The following CACNA1C variants were observed in gnomAD, a reference collection of about 807,000 sequenced individuals.
CACNA1C encodes the protein voltage-dependent L-type calcium channel subunit alpha-1C.
Under a neutral mutation model 229.0 loss-of-function variants are expected in CACNA1C, and 30 were observed. That is an observed-to-expected ratio of 0.13 (90% CI 0.10 to 0.18). CACNA1C has a LOEUF of 0.18. Ranked by LOEUF, CACNA1C falls within the 10% of genes least tolerant of loss-of-function variation. The pLI, the probability that CACNA1C is intolerant of heterozygous loss-of-function variation, is 1.00. For synonymous variants in CACNA1C, 1,114 were observed against 1,132.5 expected, an observed-to-expected ratio of 0.98 and a Z score of 0.33; for missense variants, 1,658 against 2,845.0, an observed-to-expected ratio of 0.58 and a Z score of 9.49.
chr12:2,681,998 A>G (rs779789990), intron 42 of CACNA1C: 1 of 1,611,776 alleles, frequency 6.2e-7, no homozygotes, highest in South Asian at 1.1e-5. Flanking sequence ...GGAGGGATTC[A>G]GGCTCAGCAG....
intron 38 of CACNA1C, among the ~76,000 whole-genome samples, chr12:2,670,403 A>AGAGAAAG (rs1351702651): frequency 1.3e-5 from 2 of 152,180 alleles, no homozygotes; most frequent in Admixed American, 6.5e-5. Flanking sequence ...TTGGTAGACT[A>AGAGAAAG]GAGAAAGGTG....
At position 2,053,405 on chromosome 12, in the gene CACNA1C, G is replaced by C; in HGVS notation, c.-158G>C. The C allele has an allele frequency of 7.1e-7, 1 of 1,406,352 alleles. No homozygotes were observed. Among genetic ancestry groups the C allele is most frequent in the Non-Finnish European group, 9.3e-7 (1 of 1,075,688 alleles). The allele number at this position is 1,406,352 out of a possible 1,614,324, so 87.1% of individuals were successfully genotyped here. On this transcript the variant is annotated 5_prime_UTR_variant, in exon 1 of 47. Transcript: ENST00000399655. The surrounding 1 kb of genome is among the most constrained non-coding windows in gnomAD (Gnocchi z 5.8). ...ATGCCATAATGGGAATCAGGTAATCGTCGGCGGGGAAGAAGAAACGCTGCA... is the reference window on the plus strand; with the variant it reads ...ATGCCATAATGGGAATCAGGTAATCCTCGGCGGGGAAGAAGAAACGCTGCA...
At chr12:2,312,199 C>T (rs549759336) in intron 3 of CACNA1C, among the ~76,000 whole-genome samples, 30 of 152,160 alleles carry the variant, frequency 2.0e-4, no homozygotes, top group Non-Finnish European at 4.1e-4. Flanking sequence ...GCAGGGAGCA[C>T]TGAGAAATGC....
At chr12:2,199,149 G>C (rs1379686162) in intron 3 of CACNA1C, among the ~76,000 whole-genome samples, 1 of 152,004 alleles carries the variant, frequency 6.6e-6, no homozygotes, top group Non-Finnish European at 1.5e-5. Context: ...TCCCCTCCCA[G>C]CCACGAATTA....
chr12:2,193,119 T>C (rs1566283845), intron 3 of CACNA1C, among the ~76,000 whole-genome samples: 1 of 152,214 alleles, frequency 6.6e-6, no homozygotes, highest in Non-Finnish European at 1.5e-5. Context: ...CTGCCAGGTG[T>C]GCTGGGGCTT....
rs747708938 is a variant in CACNA1C at position 2,679,489 on chromosome 12, G to A, written c.5137G>A (p.Asp1713Asn). 3.7e-6 allele frequency: 6 copies of A among 1,604,754 alleles called. No individual in the cohort carries two copies. Among genetic ancestry groups the A allele is most frequent in the East Asian group, 2.2e-5 (1 of 44,574 alleles). ...FGNHVSYYQS[D>N]GRSAFPQTFT... Reference sequence around the variant, plus strand: ...CAACCACGTCAGCTACTACCAAAGCGACGGCCGGAGCGCCTTCCCCCAGAC... The same window carrying A: ...CAACCACGTCAGCTACTACCAAAGCAACGGCCGGAGCGCCTTCCCCCAGAC... The change falls in exon 42 of 47, where the codon GAC becomes AAC. Residue 1713 changes from aspartate (D) to asparagine (N), a missense_variant. This residue lies in a region of CACNA1C where 590 missense variants were observed against 700.8 expected (regional missense o/e 0.84). Coordinates refer to ENST00000399655, the MANE Select transcript of CACNA1C (RefSeq NM_000719.7). This position sits in a 1 kb window ranked among gnomAD's most constrained non-coding sequence, Gnocchi z 5.5.
At chr12:2,135,006 C>G (rs1162344234) in intron 3 of CACNA1C, among the ~76,000 whole-genome samples, 2 of 135,746 alleles carry the variant, frequency 1.5e-5, no homozygotes, top group African/African-American at 2.9e-5. Flanking sequence ...TTGCTCATTT[C>G]TTTTTATTCT....
Position 2,608,965 on chromosome 12 carries a change from C to G in CACNA1C, c.3558+253C>G, listed in dbSNP as rs1209649782. ...TATGAAGCTTCTACTTAAGGATACT[C>G]TATGATAGGTTTTGTCAAATCTCAT... On this transcript the variant is annotated intron_variant, in intron 27 of 46. Transcript: ENST00000399655. This position sits in a 1 kb window ranked among gnomAD's most constrained non-coding sequence, Gnocchi z 4.2. Among the ~76,000 whole-genome samples, 3 of 152,234 alleles carry G rather than the reference C, an allele frequency of 2.0e-5. No individual in the cohort carries two copies. Among genetic ancestry groups the G allele is most frequent in the African/African-American group, 7.2e-5 (3 of 41,458 alleles).
At chr12:2,291,285 C>T (rs1281146806) in intron 3 of CACNA1C, among the ~76,000 whole-genome samples, 3 of 152,110 alleles carry the variant, frequency 2.0e-5, no homozygotes, top group South Asian at 4.1e-4. Flanking sequence ...AATCCCAAAC[C>T]ACCAGCCAAA....
At chr12:2,192,759 A>C (rs1269541490) in intron 3 of CACNA1C, among the ~76,000 whole-genome samples, 34 of 69,724 alleles carry the variant, frequency 4.9e-4, no homozygotes, top group African/African-American at 7.6e-4. Context: ...CACTCCCCCC[A>C]CTCTCCCCCT....
chr12:2,125,187 CAG>C (rs1209912827), intron 3 of CACNA1C, among the ~76,000 whole-genome samples: 1 of 152,076 alleles, frequency 6.6e-6, no homozygotes, highest in Non-Finnish European at 1.5e-5. Context: ...GCTAAGGGAA[CAG>C]AGAGTTTAAG....
intron 3 of CACNA1C, among the ~76,000 whole-genome samples, chr12:2,329,097 G>C (rs550046395): frequency 6.6e-6 from 1 of 152,284 alleles, no homozygotes; most frequent in Admixed American, 6.5e-5. Flanking sequence ...ATAGCACCCT[G>C]AATAGCAATG....
At chr12:2,329,000 G>T (rs2239049) in intron 3 of CACNA1C, among the ~76,000 whole-genome samples, 1 of 151,978 alleles carries the variant, frequency 6.6e-6, no homozygotes, top group Non-Finnish European at 1.5e-5. Flanking sequence ...TTTACCTCTC[G>T]GATTGATTTT....
chr12:2,679,723 G>A lies in CACNA1C; in HGVS notation c.5371G>A (p.Val1791Met). The change falls in exon 42 of 47, where the codon GTG becomes ATG. Residue 1791 changes from valine (V) to methionine (M), a missense_variant. Coordinates refer to ENST00000399655, the MANE Select transcript of CACNA1C (RefSeq NM_000719.7). The surrounding 1 kb of genome is among the most constrained non-coding windows in gnomAD (Gnocchi z 5.5). ...PAGYPSTVST[V>M]EGHGPPLSPA... ...CGGCTACCCCAGCACGGTCAGCACT[G>A]TGGAGGGCCACGGGCCCCCCTTGTC... 1 of 1,607,992 alleles carries A rather than the reference G, an allele frequency of 6.2e-7. No individual in the cohort carries two copies. Among genetic ancestry groups the A allele is most frequent in the Non-Finnish European group, 8.5e-7 (1 of 1,177,262 alleles).
intron 34 of CACNA1C, among the ~76,000 whole-genome samples, chr12:2,663,834 C>T (rs1415005707): frequency 2.7e-5 from 4 of 148,734 alleles, no homozygotes; most frequent in South Asian, 2.1e-4. Context: ...CTCCGCCTCC[C>T]GGGTTCACGC....
intron 3 of CACNA1C, among the ~76,000 whole-genome samples, chr12:2,263,898 A>G (rs1428654719): frequency 6.6e-6 from 1 of 152,140 alleles, no homozygotes; most frequent in African/African-American, 2.4e-5. Context: ...GCAGGCAGAA[A>G]GACCCAGGAT....
At chr12:2,080,231 C>T (rs556547246) in intron 1 of CACNA1C, among the ~76,000 whole-genome samples, 37 of 151,806 alleles carry the variant, frequency 2.4e-4, no homozygotes, top group African/African-American at 6.5e-4. Context: ...CACTGCACTC[C>T]AGACTGGATG....
chr12:2,623,553 C>A (rs1076390), intron 29 of CACNA1C, among the ~76,000 whole-genome samples: 27,484 of 151,956 alleles, frequency 0.18, 2,711 homozygotes, highest in African/African-American at 0.26. Context: ...TTCCAGAGCA[C>A]CCTTTTCCCT....
intron 1 of CACNA1C, among the ~76,000 whole-genome samples, chr12:1,983,640 C>T (rs371979606): frequency 2.6e-5 from 4 of 151,966 alleles, no homozygotes; most frequent in African/African-American, 7.2e-5. Context: ...TTATGACCTA[C>T]GATAAGGTTT....
Sources: gnomAD v4.1 joint callset for allele counts (sites outside exome capture counted in the v4.1 genomes callset) on GRCh38, gnomAD v4.1.1 for gene constraint, gnomAD v4.1.1 regional missense constraint, Gnocchi (gnomAD v3.1) non-coding constraint, MANE v1.5 for transcripts, NCBI Gene and HGNC (gene_info 2026-07-23, HGNC 2026-07-21) for gene names.